MGST1: variants seen among roughly 807,000 people sequenced by gnomAD.
The protein encoded by MGST1 is microsomal glutathione S-transferase 1, also known as glutathione S-transferase 12.
In MGST1, 5 loss-of-function variants were observed where a neutral mutation model predicts 8.9. That is an observed-to-expected ratio of 0.56 (90% CI 0.29 to 1.19). The LOEUF (loss-of-function observed/expected upper bound fraction) is 1.19. Ranked by LOEUF, MGST1 falls within the 50% of genes most tolerant of loss-of-function variation. MGST1 has a pLI of 0.08. For synonymous variants in MGST1, 54 were observed against 67.8 expected (o/e 0.80, Z 1.00); for missense variants, 182 against 187.4 (o/e 0.97, Z 0.17).
chr12:16,425,340 T>C (rs979940492), intron 1 of MGST1, among the ~76,000 whole-genome samples: 5 of 152,158 alleles, frequency 3.3e-5, no homozygotes, highest in African/African-American at 1.2e-4. Context: ...TGGAGTGCAA[T>C]GGCATGATCT....
At chr12:16,568,351 A>T (rs1327700512) in intron 4 of MGST1, among the ~76,000 whole-genome samples, 1 of 152,370 alleles carries the variant, frequency 6.6e-6, no homozygotes, top group East Asian at 1.9e-4. Flanking sequence ...CATAGAAAAC[A>T]GAAAAGCAAT....
chr12:16,484,513 G>T (rs1204158693), intron 4 of MGST1, among the ~76,000 whole-genome samples: 2 of 152,092 alleles, frequency 1.3e-5, no homozygotes, highest in Non-Finnish European at 2.9e-5. Flanking sequence ...AAGAAAACGG[G>T]TTTAACTGGC....
chr12:16,453,025 T>C (rs1479537287), intron 4 of MGST1, among the ~76,000 whole-genome samples: 3 of 151,982 alleles, frequency 2.0e-5, no homozygotes, highest in Non-Finnish European at 4.4e-5. Context: ...TTTAACAGGA[T>C]TCACATCCTC....
At position 16,505,777 on chromosome 12, in the gene MGST1, C is replaced by T. The variant is rs544949508; in HGVS notation, n.483-83751C>T. ...TCTAACCTAATTCCATGCCTAAATA[C>T]ATTTGTTGACACCTTATTGCTTCAA... On this transcript the variant is annotated intron_variant and non_coding_transcript_variant, in intron 4 of 4. Coordinates refer to the MGST1 transcript ENST00000538857. 5.9e-5 allele frequency among the ~76,000 whole-genome samples: 9 copies of T among 152,298 alleles called. No individual in the cohort carries two copies. The South Asian group carries it at 1.4e-3, about 25-fold the overall frequency.
At chr12:16,539,537 G>T in intron 4 of MGST1, among the ~76,000 whole-genome samples, 1 of 152,068 alleles carries the variant, frequency 6.6e-6, no homozygotes, top group Middle Eastern at 3.2e-3. Flanking sequence ...CCTAAGTGTC[G>T]TGGAGGTGTA....
intron 4 of MGST1, among the ~76,000 whole-genome samples, chr12:16,459,898 A>G (rs1182193903): frequency 6.6e-6 from 1 of 152,144 alleles, no homozygotes; most frequent in African/African-American, 2.4e-5. Context: ...TAAAAGAGGA[A>G]TAATGACCCA....
At position 16,390,887 on chromosome 12, in the gene MGST1, T is replaced by A. The variant is rs140849580; in HGVS notation, n.778+7283T>A. Among the ~76,000 whole-genome samples, 686 of 152,252 alleles carry A rather than the reference T, an allele frequency of 4.5e-3. 4 individuals are homozygous for A. Among genetic ancestry groups the A allele is most frequent in the Non-Finnish European group, 5.8e-3 (392 of 68,008 alleles). ...TAGCTCTTTGAGGAAGCGCCACACT[T>A]CTTTCCACAATGGTTGAATTTATTT... is the stretch of plus-strand genomic sequence containing the variant. On this transcript the variant is annotated intron_variant and non_coding_transcript_variant, in intron 1 of 1. Coordinates refer to the MGST1 transcript ENST00000359720.
In MGST1 at chr12:16,362,888, G is replaced by T. The variant is rs538778328; in HGVS notation, c.222-907G>T. The T allele has an allele frequency of 5.3e-5, 8 of 152,230 alleles. No homozygotes were observed. Among genetic ancestry groups the T allele is most frequent in the African/African-American group, 1.9e-4 (8 of 41,508 alleles). The allele number at this position is 152,230 out of a possible 1,614,324, so 9.4% of individuals were successfully genotyped here. A position where few individuals can be genotyped will look rare whatever the true frequency, so the allele number is the denominator to read the frequency against. ...TTTGAGGCTGCAGTGAGCTATGATT[G>T]TACCACTGCACTTCAGCCTGAGCAA... On this transcript the variant is annotated intron_variant, in intron 3 of 3. Transcript: ENST00000396210. The surrounding 1 kb of genome is among the most constrained non-coding windows in gnomAD (Gnocchi z 4.4).
downstream of MGST1, among the ~76,000 whole-genome samples, chr12:16,438,941 CTGGGGGCAGTATTTATTCG>C (rs1443206152): frequency 1.3e-5 from 2 of 151,806 alleles, no homozygotes; most frequent in East Asian, 3.9e-4. Context: ...TAACTAACTA[CTGGGGGCAGTATTTATTCG>C]TGGTGCAGAT....
intron 4 of MGST1, among the ~76,000 whole-genome samples, chr12:16,561,356 A>T (rs1001550139): frequency 1.3e-5 from 2 of 152,204 alleles, no homozygotes; most frequent in African/African-American, 4.8e-5. Context: ...GAGGGGAAGA[A>T]TTATTACAAA....
intron 1 of MGST1, among the ~76,000 whole-genome samples, chr12:16,392,004 A>T (rs535596231): frequency 6.6e-6 from 1 of 152,166 alleles, no homozygotes; most frequent in East Asian, 1.9e-4. Flanking sequence ...ATAGGGAGTT[A>T]TTTCCCATTG....
At chr12:16,592,612 C>A (rs773147524), downstream of MGST1, among the ~76,000 whole-genome samples, 1 of 151,868 alleles carries the variant, frequency 6.6e-6, no homozygotes, top group South Asian at 2.1e-4. Context: ...AGGTACTGAT[C>A]CACTCATGTT....
intron 4 of MGST1, among the ~76,000 whole-genome samples, chr12:16,468,302 T>C (rs1319487689): frequency 6.6e-6 from 1 of 152,226 alleles, no homozygotes; most frequent in Non-Finnish European, 1.5e-5. Flanking sequence ...TGTATATACA[T>C]ATGCAGATTC....
At chr12:16,480,830 G>A (rs959439877) in intron 4 of MGST1, among the ~76,000 whole-genome samples, 5 of 152,040 alleles carry the variant, frequency 3.3e-5, no homozygotes, top group South Asian at 2.1e-4. Flanking sequence ...CAGTGCTTTG[G>A]GAGGCCCAGG....
chr12:16,504,637 TA>T (rs947885365), intron 4 of MGST1, among the ~76,000 whole-genome samples: 2 of 152,152 alleles, frequency 1.3e-5, no homozygotes, highest in African/African-American at 4.8e-5. Context: ...TGGGGAGAAG[TA>T]AAAATGTCAG....
chr12:16,516,136 C>G (rs1941613392), intron 4 of MGST1, among the ~76,000 whole-genome samples: 1 of 152,160 alleles, frequency 6.6e-6, no homozygotes, highest in South Asian at 2.1e-4. Flanking sequence ...CATGCTGACT[C>G]AATCAGTTCT....
At chr12:16,392,827 T>G (rs530918593) in intron 1 of MGST1, among the ~76,000 whole-genome samples, 1 of 152,154 alleles carries the variant, frequency 6.6e-6, no homozygotes, top group Non-Finnish European at 1.5e-5. Flanking sequence ...ATAGATAGAT[T>G]GAAATATACA....
chr12:16,374,813 A>G (rs1241542947), intron 3 of MGST1, among the ~76,000 whole-genome samples: 1 of 152,204 alleles, frequency 6.6e-6, no homozygotes, highest in Non-Finnish European at 1.5e-5. Context: ...ACTGTGGAAT[A>G]AACTTTAGGA....
rs79026411 is a variant in MGST1 at position 16,476,065 on chromosome 12, G to C, written n.482+92461G>C. On this transcript the variant is annotated intron_variant and non_coding_transcript_variant, in intron 4 of 4. Coordinates refer to the MGST1 transcript ENST00000538857. ...ACAAGCCCCTACTCTCATATTCCTA[G>C]TCTAGACCCAGTGAGGACTTGGTAA... is the stretch of plus-strand genomic sequence containing the variant. Among the ~76,000 whole-genome samples, 920 of 152,124 alleles carry C rather than the reference G, an allele frequency of 6.0e-3. 2 individuals are homozygous for C. The highest frequency in any genetic ancestry group is 9.8e-3 in the Non-Finnish European group (669 of 68,010).
Sources: gnomAD v4.1 joint callset for allele counts (sites outside exome capture counted in the v4.1 genomes callset) on GRCh38, gnomAD v4.1.1 for gene constraint, Gnocchi (gnomAD v3.1) non-coding constraint, MANE v1.5 for transcripts, NCBI Gene and HGNC (gene_info 2026-07-23, HGNC 2026-07-21) for gene names.